MYL3: variants seen among roughly 807,000 people sequenced by gnomAD.
The protein encoded by MYL3 is myosin light chain 3, also known as CMLC1.
Under a neutral mutation model 21.3 loss-of-function variants are expected in MYL3, and 11 were observed. The observed-to-expected ratio is 0.52, with a 90% CI of 0.32 to 0.85. The LOEUF (loss-of-function observed/expected upper bound fraction) is 0.85. MYL3 is among the 40% of genes least tolerant of loss of function. MYL3 has a pLI of 0.03. For synonymous variants in MYL3, 88 were observed against 91.6 expected, an observed-to-expected ratio of 0.96 and a Z score of 0.22; for missense variants, 206 against 253.3, an observed-to-expected ratio of 0.81 and a Z score of 1.27.
Position 46,861,519 on chromosome 3 carries a change from G to A in MYL3, c.130-532C>T, listed in dbSNP as rs112647416. On this transcript the variant is annotated intron_variant, in intron 1 of 6. Transcript: ENST00000292327. The surrounding 1 kb of genome is among the most constrained non-coding windows in gnomAD (Gnocchi z 4.2). ...TGTGTGTGAGCATGTGTCTACATAC[G>A]TCTGCCCTCACAGAGCCCCCTAAGC... Among the ~76,000 whole-genome samples the A allele has an allele frequency of 2.1e-4, 32 of 152,262 alleles. No homozygotes were observed. Among genetic ancestry groups the A allele is most frequent in the African/African-American group, 7.2e-4 (30 of 41,534 alleles).
intron 1 of MYL3, among the ~76,000 whole-genome samples, chr3:46,869,484 G>C (rs754939447): frequency 2.0e-5 from 3 of 152,178 alleles, no homozygotes; most frequent in Non-Finnish European, 4.4e-5. Context: ...ATTTCCCCAA[G>C]GTTTCCCCAG....
intron 1 of MYL3, among the ~76,000 whole-genome samples, chr3:46,871,748 T>A (rs1293618849): frequency 1.3e-5 from 2 of 152,260 alleles, no homozygotes; most frequent in Non-Finnish European, 2.9e-5. Flanking sequence ...CCCAGCTCTC[T>A]GCAGCATCTG....
At chr3:46,873,433 A>G (rs2030020081) in intron 1 of MYL3, among the ~76,000 whole-genome samples, 1 of 152,140 alleles carries the variant, frequency 6.6e-6, no homozygotes, top group African/African-American at 2.4e-5. Context: ...TGCAGAACAC[A>G]TTGTTCCTCC....
intron 1 of MYL3, among the ~76,000 whole-genome samples, chr3:46,862,716 G>T (rs749007118): frequency 1.3e-5 from 2 of 152,188 alleles, no homozygotes; most frequent in Non-Finnish European, 2.9e-5. Flanking sequence ...CTTTCAGAAT[G>T]TCCCCAGCCA....
intron 1 of MYL3, among the ~76,000 whole-genome samples, chr3:46,873,503 C>A (rs1263176842): frequency 1.3e-5 from 2 of 152,178 alleles, no homozygotes; most frequent in Non-Finnish European, 2.9e-5. Context: ...CCCCCTCCAC[C>A]CCCAAGGAGC....
chr3:46,877,200 C>A (rs1047383543), intron 1 of MYL3, among the ~76,000 whole-genome samples: 1 of 151,984 alleles, frequency 6.6e-6, no homozygotes, highest in African/African-American at 2.4e-5. Flanking sequence ...GAATGACGGC[C>A]CCCTCCATCT....
At chr3:46,863,686 CACACACAT>C (rs999237341), upstream of MYL3, among the ~76,000 whole-genome samples, 7 of 152,156 alleles carry the variant, frequency 4.6e-5, no homozygotes, top group Admixed American at 1.3e-4. Flanking sequence ...CACTGCTTAA[CACACACAT>C]ACACACATAC....
In MYL3 at chr3:46,859,376, T is replaced by C; in HGVS notation, c.481+99A>G. On this transcript the variant is annotated intron_variant, in intron 4 of 6. Coordinates refer to ENST00000292327, the MANE Select transcript of MYL3 (RefSeq NM_000258.3). This position sits in a 1 kb window ranked among gnomAD's most constrained non-coding sequence, Gnocchi z 4.1. ...GAGGCTCCCTAATTATGTAACTCTC[T>C]CCATTTCACCAATGGGTCACAGGCC... 4 of 1,484,128 alleles carry C rather than the reference T, an allele frequency of 2.7e-6. No individual in the cohort carries two copies. Among genetic ancestry groups the C allele is most frequent in the Non-Finnish European group, 3.7e-6 (4 of 1,069,330 alleles). 91.9% of individuals were successfully genotyped at this position (1,484,128 alleles called of 1,614,324 possible).
chr3:46,867,959 G>A (rs1702064056), upstream of MYL3, among the ~76,000 whole-genome samples: 1 of 152,234 alleles, frequency 6.6e-6, no homozygotes, highest in African/African-American at 2.4e-5. Flanking sequence ...CACAGATGGG[G>A]AGACCGTGGC....
upstream of MYL3, among the ~76,000 whole-genome samples, chr3:46,863,758 C>T (rs1438848630): frequency 6.6e-6 from 1 of 152,202 alleles, no homozygotes; most frequent in Non-Finnish European, 1.5e-5. Flanking sequence ...TGCTGCCTCT[C>T]TGCAGGTCCG....
intron 1 of MYL3, among the ~76,000 whole-genome samples, chr3:46,875,523 G>C (rs1234057161): frequency 1.3e-5 from 2 of 152,262 alleles, no homozygotes; most frequent in Non-Finnish European, 2.9e-5. Context: ...CTAGTCTGAG[G>C]AGACACCCTT....
At chr3:46,868,961 G>A (rs1702076376) in intron 1 of MYL3, among the ~76,000 whole-genome samples, 1 of 152,224 alleles carries the variant, frequency 6.6e-6, no homozygotes, top group Non-Finnish European at 1.5e-5. Context: ...GGGATACCGG[G>A]GTCTGGGATG....
chr3:46,864,368 C>T (rs1387734405), upstream of MYL3, among the ~76,000 whole-genome samples: 2 of 152,088 alleles, frequency 1.3e-5, no homozygotes, highest in African/African-American at 4.8e-5. The surrounding 1 kb of genome is among the most constrained non-coding windows in gnomAD (Gnocchi z 4.7). Context: ...TCGCCCCAGG[C>T]CAGTTCAGCA....
At chr3:46,867,749 AGACCCAG>A (rs1484022498), upstream of MYL3, among the ~76,000 whole-genome samples, 57 of 152,376 alleles carry the variant, frequency 3.7e-4, no homozygotes, top group South Asian at 0.011. Flanking sequence ...GGCCTGGGCC[AGACCCAG>A]AGCCTTAGAA....
At position 46,861,818 on chromosome 3, in the gene MYL3, G is replaced by T. The variant is rs1461475696; in HGVS notation, c.130-831C>A. ...AAGGTCACACAAGGGAAAGGAGGTT[G>T]GGGGAGGGGCATGACTGGCGTCTCT... On this transcript the variant is annotated intron_variant, in intron 1 of 6. Transcript: ENST00000292327. This position sits in a 1 kb window ranked among gnomAD's most constrained non-coding sequence, Gnocchi z 4.2. 6.6e-6 allele frequency among the ~76,000 whole-genome samples: 1 copy of T among 152,186 alleles called. No individual in the cohort carries two copies. The highest frequency in any genetic ancestry group is 1.5e-5 in the Non-Finnish European group (1 of 68,028).
chr3:46,858,411 C>A lies in MYL3; in HGVS notation c.532G>T (p.Asp178Tyr). The A allele has an allele frequency of 6.2e-7, 1 of 1,614,082 alleles. No homozygotes were observed. The highest frequency in any genetic ancestry group is 8.5e-7 in the Non-Finnish European group (1 of 1,180,016). Reference protein sequence around the residue: ...EVEKLMAGQEDSNGCINYEAF... With the variant: ...EVEKLMAGQEYSNGCINYEAF... ...TCATAGTTGATGCAGCCATTGGAGT[C>A]CTCTTGCCCAGCCATCAACTTCTCC... The change falls in exon 5 of 7, where the codon GAC (aspartate) becomes TAC (tyrosine). Residue 178 changes from aspartate (D) to tyrosine (Y), a missense_variant. Asp to Tyr is a radical substitution (Grantham distance 160, BLOSUM62 -3). Transcript: ENST00000292327.
In MYL3 at chr3:46,863,392, G is replaced by A. The variant is rs1363700449; in HGVS notation, c.-2C>T. 1.9e-6 allele frequency: 3 copies of A among 1,612,914 alleles called. No homozygotes were observed. Among genetic ancestry groups the A allele is most frequent in the Non-Finnish European group, 8.5e-7 (1 of 1,179,962 alleles). On this transcript the variant is annotated 5_prime_UTR_variant, in exon 1 of 7. Transcript: ENST00000292327. The stretch of plus-strand genomic sequence containing the variant: ...GGGCTCTGGCTTTTTGGGGGCCATT[G>A]GGGGCTGTAAGTACAGAGAGGGATG...
At chr3:46,864,916 G>C (rs535561755), upstream of MYL3, among the ~76,000 whole-genome samples, 4 of 152,378 alleles carry the variant, frequency 2.6e-5, no homozygotes, top group East Asian at 7.7e-4. The surrounding 1 kb of genome is among the most constrained non-coding windows in gnomAD (Gnocchi z 4.7). Context: ...GGGACATCTT[G>C]TAAACACATT....
intron 1 of MYL3, among the ~76,000 whole-genome samples, chr3:46,871,936 G>A (rs574082637): frequency 6.6e-6 from 1 of 152,248 alleles, no homozygotes; most frequent in Non-Finnish European, 1.5e-5. Flanking sequence ...TGAGGGTACA[G>A]GTCCTGGGAT....
Sources: gnomAD v4.1 joint callset for allele counts (sites outside exome capture counted in the v4.1 genomes callset) on GRCh38, gnomAD v4.1.1 for gene constraint, Gnocchi (gnomAD v3.1) non-coding constraint, MANE v1.5 for transcripts, NCBI Gene and HGNC (gene_info 2026-07-23, HGNC 2026-07-21) for gene names.